The following TFAP4 variants were observed in gnomAD, a reference collection of about 807,000 sequenced individuals.
The protein encoded by TFAP4 is transcription factor AP-4.
A neutral mutation model predicts 40.4 loss-of-function variants in TFAP4; 7 were observed. The ratio of observed to expected loss-of-function variants is 0.17; its 90% CI spans 0.10 to 0.33. TFAP4 has a LOEUF of 0.33. TFAP4 is among the 10% of genes least tolerant of loss of function. TFAP4 has a pLI of 1.00. For missense variants in TFAP4, 374 were observed against 451.1 expected, an observed-to-expected ratio of 0.83 and a Z score of 1.55; for synonymous variants, 218 against 181.4, an observed-to-expected ratio of 1.20 and a Z score of -1.62.
At position 4,260,532 on chromosome 16, in the gene TFAP4, G is replaced by T. The variant is rs113715150; in HGVS notation, c.589C>A (p.Leu197Met). The T allele has an allele frequency of 6.2e-7, 1 of 1,611,596 alleles. No individual in the cohort carries two copies. The highest frequency in any genetic ancestry group is 8.5e-7 in the Non-Finnish European group (1 of 1,179,272). ...CTCACCTGTTCCTGCTGCTGCTGCA[G>T]CTGCACCTGCTGCGCAATCACCTTG... The part of the protein sequence containing the change: ...KLKVIAQQVQ[L>M]QQQQEQVRLL... Residue 197 changes from leucine (L) to methionine (M), a missense_variant, in exon 5 of 7, where the codon CTG becomes ATG. By Grantham distance (15) the Leu-to-Met change is conservative. Around this residue, in one of 6 missense-constraint regions of TFAP4, gnomAD observed 161 missense variants for 154.2 expected, o/e 1.04. Coordinates refer to ENST00000204517, the MANE Select transcript of TFAP4 (RefSeq NM_003223.3).
chr16:4,270,548 G>C (rs564921487), intron 1 of TFAP4, among the ~76,000 whole-genome samples: 1 of 152,272 alleles, frequency 6.6e-6, no homozygotes, highest in Non-Finnish European at 1.5e-5. Context: ...CCAACTCCAT[G>C]CCTAATGCAC....
rs1388635243 is a variant in TFAP4 at position 4,257,874 on chromosome 16, G to A, written c.*181C>T. The A allele has an allele frequency of 6.2e-6, 4 of 649,940 alleles. No individual in the cohort carries two copies. The highest frequency in any genetic ancestry group is 3.7e-5 in the African/African-American group (2 of 53,426). 40.3% of individuals were successfully genotyped at this position (649,940 alleles called of 1,614,324 possible). ...ACGCTCTGCGACACCCCAGCCCCGG[G>A]ACCTCGGGTTGAGTGGCTTCGTTCA... On this transcript the variant is annotated 3_prime_UTR_variant, in exon 7 of 7. Coordinates refer to ENST00000204517, the MANE Select transcript of TFAP4 (RefSeq NM_003223.3).
chr16:4,261,712 G>C, intron 4 of TFAP4, 67 bp downstream of exon 4: 1 of 1,466,376 alleles, frequency 6.8e-7, no homozygotes, highest in Non-Finnish European at 9.0e-7. Context: ...CGCAGAGCAA[G>C]AGGCGCGACC....
At chr16:4,267,351 C>G (rs1438556440) in intron 1 of TFAP4, among the ~76,000 whole-genome samples, 1 of 152,202 alleles carries the variant, frequency 6.6e-6, no homozygotes, top group African/African-American at 2.4e-5. Flanking sequence ...GGCTCTCTTG[C>G]TTCTTGCAAG....
At chr16:4,272,530 C>A in intron 1 of TFAP4, 128 bp downstream of exon 1, 1 of 612,392 alleles carries the variant, frequency 1.6e-6, no homozygotes, top group Non-Finnish European at 2.5e-6. Context: ...CTGCAGCCGT[C>A]CCGGCAGCTA....
intron 1 of TFAP4, among the ~76,000 whole-genome samples, chr16:4,272,028 G>A (rs1473385703): frequency 6.6e-6 from 1 of 151,524 alleles, no homozygotes; most frequent in Non-Finnish European, 1.5e-5. Context: ...CGAGCGAGCG[G>A]CAGCCAACGT....
Position 4,260,101 on chromosome 16 carries a change from T to C in TFAP4, c.811A>G (p.Thr271Ala), listed in dbSNP as rs749089137. Residue 271 changes from threonine (T) to alanine (A), a missense_variant, in exon 6 of 7, where the codon ACC (threonine) becomes GCC (alanine). Coordinates refer to ENST00000204517, the MANE Select transcript of TFAP4 (RefSeq NM_003223.3). ...SVSTSRQNLD[T>A]IVQAIQHIEG... ...TCAAGCTCAGGTACCTGCACGATGG[T>C]GTCCAGATTTTGCCGGGATGTGGAA... The C allele has an allele frequency of 6.2e-7, 1 of 1,610,806 alleles. No homozygotes were observed. The highest frequency in any genetic ancestry group is 8.5e-7 in the Non-Finnish European group (1 of 1,179,114).
At chr16:4,267,709 AT>A in intron 1 of TFAP4, among the ~76,000 whole-genome samples, 1 of 152,232 alleles carries the variant, frequency 6.6e-6, no homozygotes, top group Non-Finnish European at 1.5e-5. Flanking sequence ...AGTCACTCAC[AT>A]ACCTCAGGGT....
At chr16:4,271,164 A>C (rs2053037022) in intron 1 of TFAP4, among the ~76,000 whole-genome samples, 2 of 152,156 alleles carry the variant, frequency 1.3e-5, no homozygotes, top group South Asian at 2.1e-4. Flanking sequence ...CTAGGTATTG[A>C]CTGGGAACTT....
At chr16:4,261,677 C>T (rs766110420) in intron 4 of TFAP4, 102 bp downstream of exon 4, 78 of 1,345,776 alleles carry the variant, frequency 5.8e-5, no homozygotes, top group Non-Finnish European at 7.4e-5. Context: ...GTAGGTGCTC[C>T]TGTAAATAGG....
Position 4,258,030 on chromosome 16 carries a change from A to T in TFAP4, c.*25T>A. 2 of 1,600,948 alleles carry T rather than the reference A, an allele frequency of 1.2e-6. No homozygotes were observed. The highest frequency in any genetic ancestry group is 1.7e-6 in the Non-Finnish European group (2 of 1,175,318). ...GCCCCGGCTCCCTCCAGCCCCCAGA[A>T]GGGAGAGGAGGGCTGGGGGGGTAGT... On this transcript the variant is annotated 3_prime_UTR_variant, in exon 7 of 7. Transcript: ENST00000204517.
chr16:4,258,187 A>G lies in TFAP4; in HGVS notation c.885T>C (p.Ala295=), dbSNP rs2052914147. Reference sequence around the variant, plus strand: ...AGCTGCGGACAGGCTTCACGATGACAGCTCGCCGCTGCTCCTCCTCCAGCT... The same window carrying G: ...AGCTGCGGACAGGCTTCACGATGACGGCTCGCCGCTGCTCCTCCTCCAGCT... The part of the protein sequence containing the change: ...KQELEEEQRR[A]VIVKPVRSCP... Residue 295 remains alanine (A), a synonymous_variant, in exon 7 of 7, where the codon GCT becomes GCC. Transcript: ENST00000204517. 1.2e-6 allele frequency: 2 copies of G among 1,612,590 alleles called. No individual in the cohort carries two copies. Among genetic ancestry groups the G allele is most frequent in the Non-Finnish European group, 1.7e-6 (2 of 1,178,920 alleles).
At chr16:4,263,529 T>A (rs930500074) in intron 1 of TFAP4, 5 of 152,138 alleles carry the variant, frequency 3.3e-5, no homozygotes, top group Non-Finnish European at 5.9e-5. Flanking sequence ...CGGCCACGCC[T>A]CCCACCACAA....
At position 4,260,137 on chromosome 16, in the gene TFAP4, T is replaced by A; in HGVS notation, c.775A>T (p.Ile259Phe). 4 of 1,597,456 alleles carry A rather than the reference T, an allele frequency of 2.5e-6. No individual in the cohort carries two copies. Among genetic ancestry groups the A allele is most frequent in the Non-Finnish European group, 3.4e-6 (4 of 1,173,298 alleles). Reference sequence around the variant, plus strand: ...TGCCGGGATGTGGAAACAGAGTTGATGACCGAGGAGGGGCCCATGGTGACG... The same window carrying A: ...TGCCGGGATGTGGAAACAGAGTTGAAGACCGAGGAGGGGCCCATGGTGACG... ...NVVTMGPSSV[I>F]NSVSTSRQNL... is the part of the protein sequence containing the mutation. The change falls in exon 6 of 7, where the codon ATC becomes TTC. Residue 259 changes from isoleucine to phenylalanine, a missense_variant. Transcript: ENST00000204517.
intron 1 of TFAP4, 21 bp downstream of exon 1, chr16:4,272,637 G>A (rs566293955): frequency 2.5e-6 from 4 of 1,584,304 alleles, no homozygotes; most frequent in African/African-American, 2.7e-5. Context: ...GGAAGGGGGT[G>A]GGGGGAGGAG....
Position 4,260,539 on chromosome 16 carries a change from C to T in TFAP4, c.582G>A (p.Gln194=). 6.2e-7 allele frequency: 1 copy of T among 1,611,914 alleles called. No individual in the cohort carries two copies. Among genetic ancestry groups the T allele is most frequent in the Non-Finnish European group, 8.5e-7 (1 of 1,179,374 alleles). Residue 194 remains glutamine, a synonymous_variant, in exon 5 of 7, where the codon CAG becomes CAA. Coordinates refer to ENST00000204517, the MANE Select transcript of TFAP4 (RefSeq NM_003223.3). The part of the protein sequence containing the change: ...YPEKLKVIAQ[Q]VQLQQQQEQV... Reference sequence around the variant, plus strand: ...GTTCCTGCTGCTGCTGCAGCTGCACCTGCTGCGCAATCACCTTGAGCTTTT... The same window carrying T: ...GTTCCTGCTGCTGCTGCAGCTGCACTTGCTGCGCAATCACCTTGAGCTTTT...
Position 4,262,578 on chromosome 16 carries a change from G to C in TFAP4, c.213C>G (p.Leu71=). 6.2e-7 allele frequency: 1 copy of C among 1,612,344 alleles called. No homozygotes were observed. The stretch of plus-strand genomic sequence containing the variant: ...CGTCTGTGTGGGGGATGAGGGTCTT[G>C]AGGGACTGGAATCCCGCGTTGATGC... ...MQSINAGFQS[L]KTLIPHTDGE... The change falls in exon 2 of 7, where the codon CTC becomes CTG. Residue 71 remains leucine, a synonymous_variant. Coordinates refer to ENST00000204517, the MANE Select transcript of TFAP4 (RefSeq NM_003223.3).
At chr16:4,262,226 C>T in intron 3 of TFAP4, 98 bp downstream of exon 3, 1 of 1,368,550 alleles carries the variant, frequency 7.3e-7, no homozygotes, top group Non-Finnish European at 1.0e-6. Context: ...TGTCAGTGGG[C>T]AAGAAGGGGC....
At chr16:4,261,469 A>G (rs981462339) in intron 4 of TFAP4, among the ~76,000 whole-genome samples, 5 of 147,502 alleles carry the variant, frequency 3.4e-5, no homozygotes, top group Non-Finnish European at 4.5e-5. Flanking sequence ...TTGTATTTTT[A>G]GTAGAGACGG....
Sources: gnomAD v4.1 joint callset for allele counts (sites outside exome capture counted in the v4.1 genomes callset) on GRCh38, gnomAD v4.1.1 for gene constraint, gnomAD v4.1.1 regional missense constraint, MANE v1.5 for transcripts, NCBI Gene and HGNC (gene_info 2026-07-23, HGNC 2026-07-21) for gene names.